Variants in GALNTL6 observed in about 807,000 individuals in gnomAD.
GALNTL6 encodes the protein polypeptide N-acetylgalactosaminyltransferase-like 6.
Under a neutral mutation model 73.7 loss-of-function variants are expected in GALNTL6, and 46 were observed. The observed-to-expected ratio is 0.62, with a 90% CI of 0.49 to 0.80. GALNTL6 has a LOEUF of 0.80. GALNTL6 is among the 30% of genes least tolerant of loss of function. The pLI, the probability that GALNTL6 is intolerant of heterozygous loss-of-function variation, is 0.00. For missense variants in GALNTL6, 604 were observed against 755.0 expected (o/e 0.80, Z 2.34); for synonymous variants, 259 against 263.7 (o/e 0.98, Z 0.17).
At chr4:171,940,665 A>G (rs1339397010) in intron 2 of GALNTL6, among the ~76,000 whole-genome samples, 1 of 151,580 alleles carries the variant, frequency 6.6e-6, no homozygotes, top group Non-Finnish European at 1.5e-5. Flanking sequence ...CTACTAAAAA[A>G]CTACAAAAAT....
At chr4:172,731,659 T>C (rs1229768025) in intron 5 of GALNTL6, among the ~76,000 whole-genome samples, 1 of 152,140 alleles carries the variant, frequency 6.6e-6, no homozygotes, top group Non-Finnish European at 1.5e-5. Flanking sequence ...GAAGTCTTTC[T>C]ACTTTTTTGA....
intron 2 of GALNTL6, among the ~76,000 whole-genome samples, chr4:172,027,281 A>G (rs1244831302): frequency 6.6e-6 from 1 of 152,206 alleles, no homozygotes; most frequent in Non-Finnish European, 1.5e-5. Flanking sequence ...CAAGTCTATC[A>G]GCATAATTAT....
chr4:172,957,917 C>T (rs1749830130), intron 10 of GALNTL6, among the ~76,000 whole-genome samples: 2 of 152,118 alleles, frequency 1.3e-5, no homozygotes, highest in South Asian at 4.1e-4. Flanking sequence ...CATCAATAAA[C>T]CAAGTCTGTT....
At chr4:172,750,873 T>G (rs1396119904) in intron 5 of GALNTL6, among the ~76,000 whole-genome samples, 2 of 152,172 alleles carry the variant, frequency 1.3e-5, no homozygotes, top group Admixed American at 6.6e-5. Flanking sequence ...AGTCATTTTC[T>G]TAGGGTAAGT....
At chr4:172,984,920 A>G (rs948635398) in intron 10 of GALNTL6, among the ~76,000 whole-genome samples, 5 of 152,226 alleles carry the variant, frequency 3.3e-5, no homozygotes, top group African/African-American at 1.2e-4. Flanking sequence ...ATGGGAATTT[A>G]TGCTATTAGA....
chr4:171,859,206 A>G (rs1735767759), intron 2 of GALNTL6, among the ~76,000 whole-genome samples: 1 of 152,006 alleles, frequency 6.6e-6, no homozygotes, highest in Admixed American at 6.5e-5. Context: ...AGATGGTAGC[A>G]TAAATGAAAG....
At chr4:172,200,337 G>A (rs1735912768) in intron 2 of GALNTL6, among the ~76,000 whole-genome samples, 1 of 152,230 alleles carries the variant, frequency 6.6e-6, no homozygotes, top group Non-Finnish European at 1.5e-5. Flanking sequence ...GCTGCTCATG[G>A]CTAGACATTG....
At chr4:172,408,053 A>T (rs1158407117) in intron 5 of GALNTL6, among the ~76,000 whole-genome samples, 3 of 152,064 alleles carry the variant, frequency 2.0e-5, no homozygotes, top group Non-Finnish European at 4.4e-5. Context: ...TAATACATAA[A>T]TTGTAGCCAT....
intron 3 of GALNTL6, among the ~76,000 whole-genome samples, chr4:172,290,330 T>TAAC (rs1056544297): frequency 6.6e-6 from 1 of 152,178 alleles, no homozygotes; most frequent in Non-Finnish European, 1.5e-5. Context: ...TAGATTTCAA[T>TAAC]AACAACAACA....
At chr4:171,959,078 A>G (rs1419007795) in intron 2 of GALNTL6, among the ~76,000 whole-genome samples, 1 of 152,170 alleles carries the variant, frequency 6.6e-6, no homozygotes, top group Non-Finnish European at 1.5e-5. Context: ...TCTGTGTTCA[A>G]CTTAGTAAGT....
At chr4:172,391,794 T>G (rs1309146908) in intron 5 of GALNTL6, among the ~76,000 whole-genome samples, 1 of 152,140 alleles carries the variant, frequency 6.6e-6, no homozygotes, top group Non-Finnish European at 1.5e-5. Flanking sequence ...TAGAAAGGAT[T>G]TTGTACTGAC....
intron 2 of GALNTL6, among the ~76,000 whole-genome samples, chr4:171,915,154 C>T (rs1198592969): frequency 6.6e-6 from 1 of 152,116 alleles, no homozygotes; most frequent in African/African-American, 2.4e-5. Context: ...GTTCATATAT[C>T]TTCTTACCCT....
chr4:172,746,486 C>A (rs1357226396), intron 5 of GALNTL6, among the ~76,000 whole-genome samples: 3 of 151,728 alleles, frequency 2.0e-5, no homozygotes, highest in South Asian at 2.1e-4. Flanking sequence ...GTATCTAAGC[C>A]TTTTTCTCAA....
intron 5 of GALNTL6, among the ~76,000 whole-genome samples, chr4:172,525,691 C>T (rs1734927263): frequency 1.3e-5 from 2 of 151,966 alleles, no homozygotes; most frequent in Non-Finnish European, 2.9e-5. Context: ...GTGAGACCCT[C>T]ATTATACAAA....
chr4:172,577,142 A>G (rs756795641), intron 5 of GALNTL6, among the ~76,000 whole-genome samples: 17 of 152,162 alleles, frequency 1.1e-4, no homozygotes, highest in Non-Finnish European at 2.2e-4. Flanking sequence ...GGATAAATGC[A>G]TTCTCCTGGG....
intron 2 of GALNTL6, among the ~76,000 whole-genome samples, chr4:172,050,795 T>C (rs1336949475): frequency 2.0e-5 from 3 of 152,112 alleles, no homozygotes; most frequent in Non-Finnish European, 4.4e-5. Flanking sequence ...ATTCTATGTT[T>C]GGGTGGGCCT....
At chr4:172,928,461 T>C (rs1160052259) in intron 8 of GALNTL6, among the ~76,000 whole-genome samples, 1 of 152,224 alleles carries the variant, frequency 6.6e-6, no homozygotes, top group Non-Finnish European at 1.5e-5. Flanking sequence ...CATTCATAAA[T>C]GCTAACTTGT....
chr4:172,237,513 A>C (rs143973627), intron 3 of GALNTL6, among the ~76,000 whole-genome samples: 1,525 of 152,196 alleles, frequency 0.01, 28 homozygotes, highest in African/African-American at 0.035. Flanking sequence ...CATAGTTTAC[A>C]AATATTTTCT....
chr4:172,995,598 T>C (rs1751742673), intron 10 of GALNTL6, among the ~76,000 whole-genome samples: 1 of 152,228 alleles, frequency 6.6e-6, no homozygotes, highest in African/African-American at 2.4e-5. Context: ...GATGAGTTTC[T>C]CTGCAGATAT....
Sources: allele counts gnomAD v4.1 joint callset (sites outside exome capture counted in the v4.1 genomes callset), GRCh38; gene constraint gnomAD v4.1.1; transcripts MANE v1.5; gene names NCBI Gene and HGNC (gene_info 2026-07-23, HGNC 2026-07-21).